The following FOXN3 variants were observed in gnomAD, a reference collection of about 807,000 sequenced individuals.
The protein encoded by FOXN3 is forkhead box N3, also known as forkhead box protein N3.
Under a neutral mutation model 38.4 loss-of-function variants are expected in FOXN3, and 7 were observed. That is an observed-to-expected ratio of 0.18 (90% CI 0.10 to 0.34). The LOEUF (loss-of-function observed/expected upper bound fraction) is 0.34, where lower values mean the gene tolerates loss of function less well. Ranked by LOEUF, FOXN3 falls within the 10% of genes least tolerant of loss-of-function variation. The pLI is 1.00. For synonymous variants in FOXN3, 230 were observed against 242.2 expected (o/e 0.95, Z 0.47); for missense variants, 456 against 613.4 (o/e 0.74, Z 2.71).
intron 1 of FOXN3, among the ~76,000 whole-genome samples, chr14:89,458,030 CAAA>C (rs11445763): frequency 7.5e-5 from 4 of 53,516 alleles, no homozygotes; most frequent in African/African-American, 1.5e-4. Context: ...AACTCCATCT[CAAA>C]AAAAAAAAAA....
intron 2 of FOXN3, among the ~76,000 whole-genome samples, chr14:89,363,965 TATATATA>T (rs1890018593): frequency 2.5e-5 from 1 of 39,598 alleles, no homozygotes; most frequent in Non-Finnish European, 5.4e-5. Flanking sequence ...TATATATATA[TATATATA>T]TATATATATA....
At chr14:89,360,717 ACCT>A in intron 2 of FOXN3, among the ~76,000 whole-genome samples, 2 of 136,228 alleles carry the variant, frequency 1.5e-5, no homozygotes, top group South Asian at 2.3e-4. Context: ...CTCCAGCACT[ACCT>A]CCACCACCAC....
intron 1 of FOXN3, among the ~76,000 whole-genome samples, chr14:89,530,199 A>G (rs569973047): frequency 5.9e-5 from 9 of 152,216 alleles, no homozygotes; most frequent in African/African-American, 2.2e-4. Context: ...CAGACTCCCA[A>G]AGTGTTGGGA....
At chr14:89,399,930 G>A (rs556808397) in intron 2 of FOXN3, 31 of 152,284 alleles carry the variant, frequency 2.0e-4, no homozygotes, top group African/African-American at 7.0e-4. Context: ...ACATATACAA[G>A]AAAAATTCCT....
intron 1 of FOXN3, among the ~76,000 whole-genome samples, chr14:89,441,533 G>T (rs61999702): frequency 6.6e-5 from 10 of 152,134 alleles, no homozygotes; most frequent in Non-Finnish European, 1.5e-4. Context: ...ATCATTACAG[G>T]CGCTCTTAAT....
chr14:89,177,263 G>A lies in FOXN3; in HGVS notation c.851+3438C>T, dbSNP rs959822558. Among the ~76,000 whole-genome samples, 5 of 151,988 alleles carry A rather than the reference G, an allele frequency of 3.3e-5. No individual in the cohort carries two copies. The South Asian group carries it at 6.2e-4, about 19-fold the overall frequency. ...TGACCTCAGGTGATCTGCCTGCCTCGGCCTCCCAAAGTGCTGGGATTACAG... is the reference window on the plus strand; with the variant it reads ...TGACCTCAGGTGATCTGCCTGCCTCAGCCTCCCAAAGTGCTGGGATTACAG... On this transcript the variant is annotated intron_variant, in intron 5 of 5. Transcript: ENST00000557258.
intron 4 of FOXN3, among the ~76,000 whole-genome samples, chr14:89,261,773 C>A (rs994669065): frequency 8.5e-5 from 13 of 152,064 alleles, no homozygotes; most frequent in Admixed American, 7.9e-4. Flanking sequence ...ACCAAAAATA[C>A]AAAAATTAGC....
At chr14:89,521,321 G>A (rs534475320) in intron 1 of FOXN3, among the ~76,000 whole-genome samples, 1 of 150,722 alleles carries the variant, frequency 6.6e-6, no homozygotes, top group South Asian at 2.1e-4. Context: ...AAAAACAAAA[G>A]AGAGAGAGAG....
chr14:89,334,863 G>A (rs1888396608), intron 3 of FOXN3, among the ~76,000 whole-genome samples: 1 of 151,860 alleles, frequency 6.6e-6, no homozygotes, highest in Non-Finnish European at 1.5e-5. Context: ...CGCCTCGCAG[G>A]TTCAAGCAAT....
intron 1 of FOXN3, among the ~76,000 whole-genome samples, chr14:89,425,951 C>T (rs1450254259): frequency 6.6e-6 from 1 of 152,060 alleles, no homozygotes; most frequent in Non-Finnish European, 1.5e-5. Context: ...TTATCTAATA[C>T]ACATTTTATC....
chr14:89,212,319 G>T (rs1884122081), intron 4 of FOXN3, among the ~76,000 whole-genome samples: 1 of 152,210 alleles, frequency 6.6e-6, no homozygotes, highest in African/African-American at 2.4e-5. Context: ...GCGGAGGTTG[G>T]GAAGCTACAG....
chr14:89,548,585 G>A lies in FOXN3; in HGVS notation c.-15+70443C>T, dbSNP rs144504536. 4.1e-3 allele frequency among the ~76,000 whole-genome samples: 620 copies of A among 152,140 alleles called. 2 individuals are homozygous for A. Among genetic ancestry groups the A allele is most frequent in the Admixed American group, 6.9e-3 (106 of 15,288 alleles). ...TTTCAAAGGCATACACTAACTAATC[G>A]TATGGGATAATGTATGTAAAAGTAT... On this transcript the variant is annotated intron_variant, in intron 1 of 6. Coordinates refer to the FOXN3 transcript ENST00000345097. The surrounding 1 kb of genome is among the most constrained non-coding windows in gnomAD (Gnocchi z 4.8).
At chr14:89,432,336 G>A (rs1472126390) in intron 1 of FOXN3, among the ~76,000 whole-genome samples, 1 of 152,176 alleles carries the variant, frequency 6.6e-6, no homozygotes, top group Non-Finnish European at 1.5e-5. Flanking sequence ...CAAAGGTGAT[G>A]TCAATTTTGC....
intron 2 of FOXN3, among the ~76,000 whole-genome samples, chr14:89,377,911 GAC>G (rs1566972225): frequency 6.6e-6 from 1 of 152,178 alleles, no homozygotes; most frequent in Non-Finnish European, 1.5e-5. Context: ...AAGAGGTTTG[GAC>G]ACAGACATAC....
At chr14:89,292,591 C>T (rs1463493325) in intron 3 of FOXN3, among the ~76,000 whole-genome samples, 1 of 152,170 alleles carries the variant, frequency 6.6e-6, no homozygotes, top group African/African-American at 2.4e-5. Context: ...GGGAGCCACC[C>T]CCCTTTTCTG....
intron 1 of FOXN3, among the ~76,000 whole-genome samples, chr14:89,476,489 A>G (rs1893211881): frequency 6.6e-6 from 1 of 152,212 alleles, no homozygotes; most frequent in Non-Finnish European, 1.5e-5. Context: ...ATGAGCTTTG[A>G]GCATAGTTGA....
chr14:89,344,286 TCTCA>T (rs1293407798), intron 3 of FOXN3, among the ~76,000 whole-genome samples: 2 of 148,608 alleles, frequency 1.3e-5, no homozygotes, highest in African/African-American at 4.9e-5. Flanking sequence ...AAAAAAACCA[TCTCA>T]CTCAGTTTCT....
At chr14:89,607,191 A>G (rs537284871) in intron 1 of FOXN3, among the ~76,000 whole-genome samples, 2 of 152,320 alleles carry the variant, frequency 1.3e-5, no homozygotes, top group South Asian at 4.1e-4. Context: ...AAGATGCTGG[A>G]GAGCAGTGAG....
At chr14:89,456,011 T>G in intron 1 of FOXN3, among the ~76,000 whole-genome samples, 1 of 151,654 alleles carries the variant, frequency 6.6e-6, no homozygotes, top group Non-Finnish European at 1.5e-5. Flanking sequence ...CTGACCAACA[T>G]AGTGAAACCC....
Sources: allele counts gnomAD v4.1 joint callset (sites outside exome capture counted in the v4.1 genomes callset), GRCh38; gene constraint gnomAD v4.1.1; non-coding constraint Gnocchi (gnomAD v3.1); transcripts MANE v1.5; gene names NCBI Gene and HGNC (gene_info 2026-07-23, HGNC 2026-07-21).